The following DZIP3 variants were observed in gnomAD, a reference collection of about 807,000 sequenced individuals.
The protein encoded by DZIP3 is E3 ubiquitin-protein ligase DZIP3.
DZIP3 carries 118 observed loss-of-function variants against 162.0 expected under a neutral mutation model. The ratio of observed to expected loss-of-function variants is 0.73; its 90% CI spans 0.63 to 0.85. The LOEUF (loss-of-function observed/expected upper bound fraction) is 0.85. DZIP3 is among the 40% of genes least tolerant of loss of function. The probability of loss-of-function intolerance (pLI) is 0.00; values close to 1 mark genes in which losing one functional copy is unlikely to be tolerated. For synonymous variants in DZIP3, 438 were observed against 458.6 expected (o/e 0.96, Z 0.57); for missense variants, 1,331 against 1,407.0 (o/e 0.95, Z 0.86).
At chr3:108,642,384 C>A in intron 12 of DZIP3, 54 bp from the exon 13 acceptor site, 1 of 1,426,588 alleles carries the variant, frequency 7.0e-7, no homozygotes, top group Non-Finnish European at 9.4e-7. Context: ...GAAATCTTGA[C>A]TGACTTTGGT....
At chr3:108,606,230 G>GC (rs1340369227) in intron 2 of DZIP3, among the ~76,000 whole-genome samples, 2 of 152,116 alleles carry the variant, frequency 1.3e-5, no homozygotes, top group African/African-American at 2.4e-5. Context: ...GGTTCAGTGG[G>GC]CCAAGGCCAA....
At chr3:108,674,467 G>A (rs1394299683) in intron 24 of DZIP3, among the ~76,000 whole-genome samples, 1 of 151,824 alleles carries the variant, frequency 6.6e-6, no homozygotes, top group Non-Finnish European at 1.5e-5. Flanking sequence ...GAAGTCTAAT[G>A]AGTACTATGT....
At chr3:108,629,779 C>A (rs145156792) in intron 8 of DZIP3, among the ~76,000 whole-genome samples, 1 of 150,580 alleles carries the variant, frequency 6.6e-6, no homozygotes, top group Admixed American at 6.6e-5. Flanking sequence ...TTATACAATG[C>A]GATTTTGGCA....
intron 5 of DZIP3, among the ~76,000 whole-genome samples, chr3:108,622,669 A>T (rs1235784504): frequency 6.6e-6 from 1 of 152,040 alleles, no homozygotes; most frequent in African/African-American, 2.4e-5. Context: ...GTCCTTGGTC[A>T]CTGCTGCTAT....
intron 1 of DZIP3, among the ~76,000 whole-genome samples, chr3:108,592,590 G>C (rs531281472): frequency 2.6e-5 from 4 of 151,800 alleles, no homozygotes; most frequent in Non-Finnish European, 5.9e-5. Context: ...CAGCTACTCA[G>C]GAGGCTGTCA....
intron 4 of DZIP3, among the ~76,000 whole-genome samples, chr3:108,616,142 T>C (rs1204239215): frequency 6.6e-6 from 1 of 152,026 alleles, no homozygotes; most frequent in East Asian, 1.9e-4. Context: ...TGGGTGTCTG[T>C]AGTCCCAGAT....
At chr3:108,646,403 CT>C (rs953598497) in intron 14 of DZIP3, among the ~76,000 whole-genome samples, 1 of 151,904 alleles carries the variant, frequency 6.6e-6, no homozygotes, top group African/African-American at 2.4e-5. Context: ...TTTTTGTTTA[CT>C]TTTTTTTCTC....
At position 108,681,730 on chromosome 3, in the gene DZIP3, C is replaced by CTA. The variant is rs1559783214; in HGVS notation, c.2884-2486_2884-2485insTA. On this transcript the variant is annotated intron_variant, in intron 26 of 32. Coordinates refer to ENST00000361582, the MANE Select transcript of DZIP3 (RefSeq NM_014648.4). ...ATAAAGAAAATGTGGCAAATATACA[C>CTA]CATGGAATACTCTGCCGCCATAAAA... Among the ~76,000 whole-genome samples the CTA allele has an allele frequency of 1.2e-3, 185 of 151,338 alleles. 2 individuals carry two copies. Among genetic ancestry groups the CTA allele is most frequent in the African/African-American group, 4.2e-3 (172 of 40,680 alleles).
At chr3:108,608,659 T>C (rs1269841619) in intron 3 of DZIP3, among the ~76,000 whole-genome samples, 1 of 152,202 alleles carries the variant, frequency 6.6e-6, no homozygotes, top group Non-Finnish European at 1.5e-5. Context: ...AGGCTTTTAT[T>C]ACCAGTGATA....
intron 6 of DZIP3, among the ~76,000 whole-genome samples, chr3:108,625,627 G>T (rs1479540332): frequency 1.3e-5 from 2 of 152,066 alleles, no homozygotes; most frequent in African/African-American, 2.4e-5. Flanking sequence ...GTTAAAGAAG[G>T]TCTTAAGTTT....
At position 108,690,863 on chromosome 3, in the gene DZIP3, C is replaced by T; in HGVS notation, c.3593C>T (p.Pro1198Leu). Reference sequence around the variant, plus strand: ...CACGTTTTGCTACCAGAAGAATTCCCTGGTCACCCCAGCCGGCAGTTGCCC... The same window carrying T: ...CACGTTTTGCTACCAGAAGAATTCCTTGGTCACCCCAGCCGGCAGTTGCCC... ...RLHVLLPEEFPGHPSRQLPKI is the reference protein window; with the variant it reads ...RLHVLLPEEFLGHPSRQLPKI The change falls in exon 32 of 33, where the codon CCT (proline) becomes CTT (leucine). Residue 1198 changes from proline to leucine, a missense_variant. Transcript: ENST00000361582. 6.2e-7 allele frequency: 1 copy of T among 1,614,152 alleles called. No homozygotes were observed. Among genetic ancestry groups the T allele is most frequent in the Non-Finnish European group, 8.5e-7 (1 of 1,179,978 alleles).
At chr3:108,627,132 A>C (rs1425743096) in intron 7 of DZIP3, among the ~76,000 whole-genome samples, 2 of 152,250 alleles carry the variant, frequency 1.3e-5, no homozygotes, top group African/African-American at 4.8e-5. Flanking sequence ...AAAATGATCC[A>C]AATCCCTTCA....
intron 11 of DZIP3, 22 bp downstream of exon 11, chr3:108,636,730 T>A: frequency 3.4e-6 from 2 of 582,404 alleles, no homozygotes; most frequent in Non-Finnish European, 4.2e-6. Flanking sequence ...GTTTTGTCCT[T>A]TTTTTTTTTT....
In DZIP3 at chr3:108,632,973, C is replaced by G. The variant is rs150678718; in HGVS notation, c.717C>G (p.Ile239Met). 9.9e-6 allele frequency: 14 copies of G among 1,415,098 alleles called. No homozygotes were observed. The African/African-American group carries it at 2.1e-4, about 21-fold the overall frequency. 87.7% of individuals were successfully genotyped at this position (1,415,098 alleles called of 1,614,324 possible). Residue 239 changes from isoleucine to methionine, a missense_variant, in exon 9 of 33, where the codon ATC (isoleucine) becomes ATG (methionine). Physicochemically the swap from Ile to Met is conservative, Grantham distance 10 (BLOSUM62 1). Around this residue, in one of 2 missense-constraint regions of DZIP3, gnomAD observed 1,278 missense variants for 1,317.1 expected, o/e 0.97. Coordinates refer to ENST00000361582, the MANE Select transcript of DZIP3 (RefSeq NM_014648.4). ...TCTAGGATCTTCTTAATAATTTTAT[C>G]AAGACAACTGAAAGCAATATAATGA... ...TTFKDLLNNF[I>M]KTTESNIMKQ...
chr3:108,652,126 T>C (rs1462079335), intron 18 of DZIP3, among the ~76,000 whole-genome samples: 1 of 151,456 alleles, frequency 6.6e-6, no homozygotes, highest in Non-Finnish European at 1.5e-5. Context: ...TCAATCACTT[T>C]GCCATTTTGC....
chr3:108,686,680 AAC>A (rs1944511175), intron 28 of DZIP3, 96 bp downstream of exon 28: 2 of 1,329,538 alleles, frequency 1.5e-6, no homozygotes, highest in East Asian at 2.7e-5. Context: ...AAACATAACA[AAC>A]ACAAAAAAAG....
At chr3:108,605,738 A>G (rs1335916919) in intron 2 of DZIP3, among the ~76,000 whole-genome samples, 1 of 152,214 alleles carries the variant, frequency 6.6e-6, no homozygotes, top group Non-Finnish European at 1.5e-5. Flanking sequence ...AGTTCTTAAC[A>G]GGCCATGTAC....
intron 18 of DZIP3, 43 bp from the exon 19 acceptor site, chr3:108,654,102 T>G: frequency 6.3e-7 from 1 of 1,592,284 alleles, no homozygotes. Flanking sequence ...TGAAAATTAC[T>G]ATACAATTGT....
At chr3:108,591,317 T>G (rs1415812406) in intron 1 of DZIP3, among the ~76,000 whole-genome samples, 1 of 152,254 alleles carries the variant, frequency 6.6e-6, no homozygotes, top group Non-Finnish European at 1.5e-5. Flanking sequence ...GTGTCAGCTG[T>G]CATCTGGCAT....
Sources: allele counts gnomAD v4.1 joint callset (sites outside exome capture counted in the v4.1 genomes callset), GRCh38; gene constraint gnomAD v4.1.1; regional missense constraint gnomAD v4.1.1; transcripts MANE v1.5; gene names NCBI Gene and HGNC (gene_info 2026-07-23, HGNC 2026-07-21).